XPO7: variants seen among roughly 807,000 people sequenced by gnomAD.
The protein encoded by XPO7 is exportin 7.
XPO7 carries 21 observed loss-of-function variants against 144.3 expected under a neutral mutation model. The observed-to-expected ratio is 0.15, with a 90% confidence interval of 0.10 to 0.21. The LOEUF (loss-of-function observed/expected upper bound fraction) is 0.21, where lower values mean the gene tolerates loss of function less well. Among genes scored for constraint, XPO7 ranks in the 10% least tolerant of loss-of-function variants. The pLI, the probability that XPO7 is intolerant of heterozygous loss-of-function variation, is 1.00. For synonymous variants in XPO7, 580 were observed against 499.6 expected (o/e 1.16, Z -2.15); for missense variants, 808 against 1,325.8 (o/e 0.61, Z 6.06).
At position 21,990,852 on chromosome 8, in the gene XPO7, C is replaced by T; in HGVS notation, c.1974C>T (p.Asn658=). ...TTTTGGGTATTAACAATCAGTCCAA[C>T]CTGACAGACATGCGGTGTCGGACTA... ...FSFLGINNQS[N]LTDMRCRTTF... Residue 658 remains asparagine (N), a synonymous_variant, in exon 18 of 28, where the codon AAC becomes AAT. Transcript: ENST00000252512. 1 of 1,613,918 alleles carries T rather than the reference C, an allele frequency of 6.2e-7. No individual in the cohort carries two copies. The highest frequency in any genetic ancestry group is 8.5e-7 in the Non-Finnish European group (1 of 1,179,872).
chr8:21,978,041 C>T lies in XPO7; in HGVS notation c.837+198C>T, dbSNP rs186726398. Among the ~76,000 whole-genome samples the T allele has an allele frequency of 2.5e-3, 372 of 151,632 alleles. 1 individual carries two copies. The highest frequency in any genetic ancestry group is 8.8e-3 in the African/African-American group (359 of 41,010). On this transcript the variant is annotated intron_variant, in intron 8 of 27. Coordinates refer to ENST00000252512, the MANE Select transcript of XPO7 (RefSeq NM_015024.5). ...AGTCTTAATTATTTTTAAATTATTC[C>T]TGTCTAAAGGCCAATTCCTGCAGAT...
chr8:21,919,729 TGGGGGGGA>T lies in XPO7; in HGVS notation c.-34_-27del. On this transcript the variant is annotated 5_prime_UTR_variant, in exon 1 of 28. Coordinates refer to ENST00000252512, the MANE Select transcript of XPO7 (RefSeq NM_015024.5). ...CAGCGGCTCCGGCCGAGGTGCGCGC[TGGGGGGGA>T]GGGGGGGCCGGAGAGGAGCATGAAT... 3.7e-5 allele frequency: 9 copies of T among 241,930 alleles called. No individual in the cohort carries two copies. Among genetic ancestry groups the T allele is most frequent in the Non-Finnish European group, 4.9e-5 (7 of 142,658 alleles). 15.0% of individuals were successfully genotyped at this position (241,930 alleles called of 1,614,324 possible).
intron 1 of XPO7, among the ~76,000 whole-genome samples, chr8:21,939,517 G>A (rs1810925202): frequency 6.6e-6 from 1 of 152,086 alleles, no homozygotes. Context: ...CACCGCCCCA[G>A]GTCTGTTTTG....
Position 21,980,116 on chromosome 8 carries a change from C to T in XPO7, c.870C>T (p.Val290=). The part of the protein sequence containing the change: ...VLSCLVQIAS[V]RRSLFNNAER... ...CCTGCTTGGTACAGATCGCTTCAGTCAGAAGATCCCTGTTTAACAATGCAG... is the reference window on the plus strand; with the variant it reads ...CCTGCTTGGTACAGATCGCTTCAGTTAGAAGATCCCTGTTTAACAATGCAG... The change falls in exon 9 of 28, where the codon GTC becomes GTT. Residue 290 remains valine (V), a synonymous_variant. Transcript: ENST00000252512. 1 of 1,603,780 alleles carries T rather than the reference C, an allele frequency of 6.2e-7. No homozygotes were observed. Among genetic ancestry groups the T allele is most frequent in the Non-Finnish European group, 8.5e-7 (1 of 1,174,586 alleles).
At chr8:21,976,282 G>C (rs1330018036) in intron 6 of XPO7, 74 bp from the exon 7 acceptor site, 1 of 1,531,258 alleles carries the variant, frequency 6.5e-7, no homozygotes, top group African/African-American at 1.4e-5. Context: ...TGACTTAACA[G>C]CTTTGTTGAG....
intron 1 of XPO7, among the ~76,000 whole-genome samples, chr8:21,928,847 A>G (rs1810546013): frequency 6.6e-6 from 1 of 152,270 alleles, no homozygotes; most frequent in South Asian, 2.1e-4. Flanking sequence ...TTATTGGAAC[A>G]TGCATTCATC....
In XPO7 at chr8:21,969,156, A is replaced by T. The variant is rs532568217; in HGVS notation, c.166-327A>T. Among the ~76,000 whole-genome samples the T allele has an allele frequency of 4.6e-5, 7 of 152,274 alleles. No homozygotes were observed. The East Asian group carries it at 1.4e-3, about 29-fold the overall frequency. The stretch of plus-strand genomic sequence containing the variant: ...AAGGGGAGATTTCTTGGTTTAAATG[A>T]GGGGAGAGATTTTTTCTAATCTCTA... On this transcript the variant is annotated intron_variant, in intron 2 of 27. Coordinates refer to ENST00000252512, the MANE Select transcript of XPO7 (RefSeq NM_015024.5).
At chr8:21,980,060 G>C in intron 8 of XPO7, 24 bp from the exon 9 acceptor site, 1 of 1,549,638 alleles carries the variant, frequency 6.5e-7, no homozygotes, top group Middle Eastern at 1.7e-4. Flanking sequence ...TAATCGTTGT[G>C]TTTGGGTTCT....
intron 24 of XPO7, among the ~76,000 whole-genome samples, chr8:22,000,228 A>G (rs1813092741): frequency 6.6e-6 from 1 of 152,180 alleles, no homozygotes; most frequent in African/African-American, 2.4e-5. Flanking sequence ...TGGCTGGCAC[A>G]CTAGTCCAGA....
In XPO7 at chr8:21,945,286, T is replaced by C. The variant is rs139017989; in HGVS notation, c.19-21571T>C. 3.4e-3 allele frequency among the ~76,000 whole-genome samples: 515 copies of C among 152,328 alleles called. 1 individual carries two copies. The highest frequency in any genetic ancestry group is 5.7e-3 in the Non-Finnish European group (389 of 68,028). ...TAATCTCAAAGGAATTATCCTTTAA[T>C]CTGTAATCGCAAAGGAAACTCATAT... On this transcript the variant is annotated intron_variant, in intron 1 of 27. Transcript: ENST00000252512.
At chr8:21,964,596 A>G (rs1243259326) in intron 1 of XPO7, among the ~76,000 whole-genome samples, 3 of 148,112 alleles carry the variant, frequency 2.0e-5, no homozygotes, top group Non-Finnish European at 4.4e-5. Flanking sequence ...ATTGTTTCCC[A>G]TTTGTTCTTC....
At chr8:21,967,146 C>A in intron 2 of XPO7, 143 bp downstream of exon 2, 1 of 1,146,146 alleles carries the variant, frequency 8.7e-7, no homozygotes, top group Non-Finnish European at 1.2e-6. Flanking sequence ...TAAGAAGTAC[C>A]ATACCTACCA....
At chr8:22,000,743 G>A (rs996297396) in intron 24 of XPO7, among the ~76,000 whole-genome samples, 7 of 152,080 alleles carry the variant, frequency 4.6e-5, no homozygotes, top group Admixed American at 1.3e-4. Context: ...ATGAGCCACC[G>A]TGCCTGGCCC....
chr8:21,924,447 T>G (rs1445511536), intron 1 of XPO7, among the ~76,000 whole-genome samples: 1 of 132,070 alleles, frequency 7.6e-6, no homozygotes. Context: ...GTAGCCCCCC[T>G]CCCCCCCCCA....
chr8:21,940,441 G>C (rs1405951161), intron 1 of XPO7, among the ~76,000 whole-genome samples: 1 of 150,910 alleles, frequency 6.6e-6, no homozygotes, highest in Non-Finnish European at 1.5e-5. Flanking sequence ...AGCAACAGTG[G>C]CTCCCGGGAT....
rs13276598 is a variant in XPO7, at chr8:21,976,415, G to T, written c.657G>T (p.Leu219=). ...GTCAGCATGGCTTGCTCATGCAACTGCTCAAGCTCACTCATAACTGCCTCA... is the reference window on the plus strand; with the variant it reads ...GTCAGCATGGCTTGCTCATGCAACTTCTCAAGCTCACTCATAACTGCCTCA... ...DESQHGLLMQ[L]LKLTHNCLNF... The change falls in exon 7 of 28, where the codon CTG becomes CTT. Residue 219 remains leucine, a synonymous_variant. Transcript: ENST00000252512. 1 of 1,613,970 alleles carries T rather than the reference G, an allele frequency of 6.2e-7. No individual in the cohort carries two copies. The highest frequency in any genetic ancestry group is 1.7e-5 in the Admixed American group (1 of 60,020).
At chr8:21,919,971 G>A (rs1440621203) in intron 1 of XPO7, among the ~76,000 whole-genome samples, 183 bp downstream of exon 1, 1 of 151,358 alleles carries the variant, frequency 6.6e-6, no homozygotes, top group African/African-American at 2.4e-5. Flanking sequence ...CCGGGCCGGG[G>A]GCCTTCTCCG....
chr8:21,962,425 AG>A (rs1355423894), intron 1 of XPO7, among the ~76,000 whole-genome samples: 2 of 152,164 alleles, frequency 1.3e-5, no homozygotes, highest in Non-Finnish European at 2.9e-5. Flanking sequence ...CCTTGTGAAT[AG>A]TTTTTTGTCT....
chr8:21,975,443 A>G (rs1234131318), intron 6 of XPO7, among the ~76,000 whole-genome samples: 3 of 152,252 alleles, frequency 2.0e-5, no homozygotes, highest in Admixed American at 2.0e-4. Context: ...CACAGTTGTA[A>G]CACAGCTCGG....
Sources: allele counts gnomAD v4.1 joint callset (sites outside exome capture counted in the v4.1 genomes callset), GRCh38; gene constraint gnomAD v4.1.1; transcripts MANE v1.5; gene names NCBI Gene and HGNC (gene_info 2026-07-23, HGNC 2026-07-21).